WDR64: variants seen among roughly 807,000 people sequenced by gnomAD.
The protein encoded by WDR64 is WD repeat-containing protein 64.
Under a neutral mutation model 139.3 loss-of-function variants are expected in WDR64, and 112 were observed. The ratio of observed to expected loss-of-function variants is 0.80; its 90% confidence interval spans 0.69 to 0.94. The LOEUF is 0.94. Among genes scored for constraint, WDR64 ranks in the 40% least tolerant of loss-of-function variants. WDR64 has a pLI of 0.00. For synonymous variants in WDR64, 444 were observed against 437.7 expected (o/e 1.01, Z -0.18); for missense variants, 1,206 against 1,293.1 (o/e 0.93, Z 1.03).
intron 1 of WDR64, among the ~76,000 whole-genome samples, chr1:241,658,901 CTT>C (rs35261788): frequency 0.2 from 29,420 of 148,734 alleles, 3,045 homozygotes; most frequent in East Asian, 0.42. Flanking sequence ...AACACAAGAT[CTT>C]TTTTTTTTTT....
intron 2 of WDR64, among the ~76,000 whole-genome samples, chr1:241,664,616 C>A (rs1346234634): frequency 6.6e-6 from 1 of 151,976 alleles, no homozygotes. Flanking sequence ...ATGAGGAAAT[C>A]AAGCCTCATT....
chr1:241,700,827 G>A (rs1251908603), intron 8 of WDR64, among the ~76,000 whole-genome samples: 1 of 152,108 alleles, frequency 6.6e-6, no homozygotes, highest in Non-Finnish European at 1.5e-5. Context: ...CTATACAAAT[G>A]GAAAGTATTA....
intron 8 of WDR64, among the ~76,000 whole-genome samples, chr1:241,693,487 C>T (rs1396607943): frequency 2.0e-5 from 3 of 152,104 alleles, no homozygotes; most frequent in Non-Finnish European, 4.4e-5. Flanking sequence ...TGTCATTACA[C>T]ATGTATCAAA....
At position 241,687,368 on chromosome 1, in the gene WDR64, A is replaced by G. The variant is rs1667045992; in HGVS notation, c.840-93A>G. On this transcript the variant is annotated intron_variant, in intron 7 of 27. Coordinates refer to ENST00000437684, the MANE Select transcript of WDR64 (RefSeq NM_001367482.1). Reference sequence around the variant, plus strand: ...GTATTCTACATTTGGGTTTAGTACAATTCAGTTACAGTCAAAGTAAATTGC... The same window carrying G: ...GTATTCTACATTTGGGTTTAGTACAGTTCAGTTACAGTCAAAGTAAATTGC... 2.7e-6 allele frequency: 4 copies of G among 1,495,518 alleles called. No homozygotes were observed. The African/African-American group carries it at 4.2e-5, about 16-fold the overall frequency. 92.6% of individuals were successfully genotyped at this position (1,495,518 alleles called of 1,614,324 possible).
At chr1:241,717,747 C>A (rs569845433) in intron 9 of WDR64, among the ~76,000 whole-genome samples, 4 of 152,150 alleles carry the variant, frequency 2.6e-5, no homozygotes, top group Admixed American at 1.3e-4. Flanking sequence ...TAGTTGTTTA[C>A]CCTCTATATC....
intron 22 of WDR64, among the ~76,000 whole-genome samples, chr1:241,782,992 A>G (rs952084): frequency 0.21 from 32,033 of 152,150 alleles, 3,781 homozygotes; most frequent in East Asian, 0.42. Flanking sequence ...ATCATCAATT[A>G]AATGAATCGC....
Position 241,780,157 on chromosome 1 carries a change from ACT to A in WDR64, c.2595+100_2595+101del, listed in dbSNP as rs888606969. 13 of 1,062,924 alleles carry A rather than the reference ACT, an allele frequency of 1.2e-5. No homozygotes were observed. The African/African-American group carries it at 1.7e-4, about 14-fold the overall frequency. The allele number at this position is 1,062,924 out of a possible 1,614,324, so 65.8% of individuals were successfully genotyped here. On this transcript the variant is annotated intron_variant, in intron 22 of 27. Coordinates refer to ENST00000437684, the MANE Select transcript of WDR64 (RefSeq NM_001367482.1). ...ACACCATAAAGGATAGAAATACAAGACTCTCTGTTGTCAAGGCACATATACTA... is the reference window on the plus strand; with the variant it reads ...ACACCATAAAGGATAGAAATACAAGACTCTGTTGTCAAGGCACATATACTA...
intron 10 of WDR64, among the ~76,000 whole-genome samples, chr1:241,735,696 G>A (rs1228661670): frequency 1.3e-5 from 2 of 151,640 alleles, no homozygotes; most frequent in Non-Finnish European, 2.9e-5. Context: ...CATCATGCTC[G>A]ACTAATTTTT....
intron 10 of WDR64, among the ~76,000 whole-genome samples, chr1:241,723,922 C>A (rs186855651): frequency 6.6e-6 from 1 of 151,684 alleles, no homozygotes; most frequent in Non-Finnish European, 1.5e-5. Flanking sequence ...CATAAGGTGG[C>A]TAGTTGCAAT....
intron 21 of WDR64, among the ~76,000 whole-genome samples, chr1:241,779,762 A>T (rs939722538): frequency 1.3e-5 from 2 of 152,140 alleles, no homozygotes; most frequent in African/African-American, 4.8e-5. Flanking sequence ...CCCAGGAGGC[A>T]GAGGTTGCAG....
At chr1:241,792,258 C>T (rs749505440) in intron 25 of WDR64, among the ~76,000 whole-genome samples, 2 of 152,126 alleles carry the variant, frequency 1.3e-5, no homozygotes, top group Non-Finnish European at 2.9e-5. Context: ...ATACAGGGGC[C>T]GGGTGCGGTG....
At chr1:241,770,106 C>A (rs1454305986) in intron 17 of WDR64, among the ~76,000 whole-genome samples, 1 of 152,198 alleles carries the variant, frequency 6.6e-6, no homozygotes, top group Non-Finnish European at 1.5e-5. Context: ...CAGAATGTAA[C>A]CCCTTCCCTA....
chr1:241,711,467 C>T (rs1668165760), intron 8 of WDR64, among the ~76,000 whole-genome samples: 1 of 152,112 alleles, frequency 6.6e-6, no homozygotes, highest in African/African-American at 2.4e-5. Flanking sequence ...TGCTACCCAA[C>T]AGACTCACTT....
chr1:241,740,868 A>G (rs945966149), intron 11 of WDR64, among the ~76,000 whole-genome samples: 6 of 152,162 alleles, frequency 3.9e-5, no homozygotes, highest in African/African-American at 1.4e-4. Flanking sequence ...ACATTACACT[A>G]AAACAGAGCT....
chr1:241,757,441 C>A lies in WDR64; in HGVS notation c.1929C>A (p.Asn643Lys). The change falls in exon 15 of 28, where the codon AAC becomes AAA. Residue 643 changes from asparagine (N) to lysine (K), a missense_variant. Transcript: ENST00000437684. ...FPDVELIVER[N>K]FSQPTDNPTM... ...ATGTCGAGTTGATAGTTGAGAGGAA[C>A]TTTTCTCAACCTACTGATGTAAGTT... 6.2e-7 allele frequency: 1 copy of A among 1,610,234 alleles called. No individual in the cohort carries two copies. Among genetic ancestry groups the A allele is most frequent in the African/African-American group, 1.3e-5 (1 of 74,900 alleles).
At chr1:241,732,971 T>A (rs1269998656) in intron 10 of WDR64, among the ~76,000 whole-genome samples, 1 of 152,168 alleles carries the variant, frequency 6.6e-6, no homozygotes, top group Admixed American at 6.5e-5. Context: ...TACACACATG[T>A]ATATATTTTC....
At chr1:241,718,755 C>T (rs547118596) in intron 9 of WDR64, among the ~76,000 whole-genome samples, 77 of 152,232 alleles carry the variant, frequency 5.1e-4, no homozygotes, top group East Asian at 1.4e-3. Context: ...AAGGTGCCAG[C>T]ATTGTCAGTT....
intron 8 of WDR64, among the ~76,000 whole-genome samples, chr1:241,693,779 T>C (rs1667388630): frequency 6.6e-6 from 1 of 152,220 alleles, no homozygotes; most frequent in South Asian, 2.1e-4. Context: ...ACAGCCATAT[T>C]ATTCGGATTT....
At chr1:241,664,441 CTT>C (rs977541304) in intron 2 of WDR64, among the ~76,000 whole-genome samples, 3 of 152,184 alleles carry the variant, frequency 2.0e-5, no homozygotes, top group African/African-American at 7.2e-5. Flanking sequence ...TTATTACACA[CTT>C]AGATTCAGAA....
Sources: gnomAD v4.1 joint callset for allele counts (sites outside exome capture counted in the v4.1 genomes callset) on GRCh38, gnomAD v4.1.1 for gene constraint, MANE v1.5 for transcripts, NCBI Gene and HGNC (gene_info 2026-07-23, HGNC 2026-07-21) for gene names.